The following MS4A12 variants were observed in gnomAD, a reference collection of about 807,000 sequenced individuals.
The protein encoded by MS4A12 is membrane-spanning 4-domains subfamily A member 12.
Under a neutral mutation model 23.7 loss-of-function variants are expected in MS4A12, and 28 were observed. That is an observed-to-expected ratio of 1.18 (90% CI 0.88 to 1.62). The LOEUF is 1.62. MS4A12 is among the 40% of genes most tolerant of loss of function. The pLI, the probability that MS4A12 is intolerant of heterozygous loss-of-function variation, is 0.00. For synonymous variants in MS4A12, 108 were observed against 110.1 expected (o/e 0.98, Z 0.12); for missense variants, 342 against 327.0 (o/e 1.05, Z -0.35).
At chr11:60,500,056 G>A (rs1590861047) in intron 2 of MS4A12, among the ~76,000 whole-genome samples, 1 of 149,450 alleles carries the variant, frequency 6.7e-6, no homozygotes, top group East Asian at 2.0e-4. Flanking sequence ...TGGCTAACCC[G>A]TGAAACCCCG....
chr11:60,495,380 G>A (rs776778043), intron 1 of MS4A12, among the ~76,000 whole-genome samples: 8 of 150,940 alleles, frequency 5.3e-5, no homozygotes, highest in African/African-American at 1.5e-4. Flanking sequence ...ATCTAGTATC[G>A]GAGGGTAAGG....
At chr11:60,497,656 G>A (rs2086499732) in intron 2 of MS4A12, 62 bp downstream of exon 2, 1 of 1,541,804 alleles carries the variant, frequency 6.5e-7, no homozygotes, top group Non-Finnish European at 8.9e-7. Flanking sequence ...ATAAGTTATA[G>A]GAGAGTATCA....
chr11:60,506,733 T>G lies in MS4A12; in HGVS notation c.594T>G (p.Ser198=). The change falls in exon 6 of 7, where the codon TCT becomes TCG. Residue 198 remains serine, a synonymous_variant. Coordinates refer to ENST00000016913, the MANE Select transcript of MS4A12 (RefSeq NM_017716.3). Reference sequence around the variant, plus strand: ...CTATTTATTTATGATTTCAGCTTTCTGGAAAAGGCATTTCAGCCACGCTGA... The same window carrying G: ...CTATTTATTTATGATTTCAGCTTTCGGGAAAAGGCATTTCAGCCACGCTGA... ...VAGQDYWAVL[S]GKGISATLMI... 1 of 1,613,902 alleles carries G rather than the reference T, an allele frequency of 6.2e-7. No homozygotes were observed. Among genetic ancestry groups the G allele is most frequent in the South Asian group, 1.1e-5 (1 of 91,036 alleles).
In MS4A12 at chr11:60,503,703, G is replaced by A; in HGVS notation, c.474G>A (p.Val158=). The part of the protein sequence containing the change: ...SASKELSRCL[V]KGSLGMNIVS... The stretch of plus-strand genomic sequence containing the variant: ...TTTTTTCCTGCCATCTCCATTAGGT[G>A]AAAGGCAGCCTGGGAATGAACATTG... Residue 158 remains valine (V), a splice_region_variant and synonymous_variant, in exon 5 of 7, where the codon GTG becomes GTA. Transcript: ENST00000016913. 6.2e-7 allele frequency: 1 copy of A among 1,611,610 alleles called. No individual in the cohort carries two copies. Among genetic ancestry groups the A allele is most frequent in the Non-Finnish European group, 8.5e-7 (1 of 1,178,768 alleles).
chr11:60,501,111 T>C lies in MS4A12; in HGVS notation c.343T>C (p.Ser115Pro), dbSNP rs1398563254. ...AATTGTTTTGTGTTTAATATCCTTC[T>C]CTTTTAGAGAAGTATTAGGTTTTGC... is the stretch of plus-strand genomic sequence containing the variant. ...FGIVLCLISF[S>P]FREVLGFAST... The change falls in exon 3 of 7, where the codon TCT becomes CCT. Residue 115 changes from serine to proline, a missense_variant. Ser to Pro is a moderately conservative substitution (Grantham distance 74). Transcript: ENST00000016913. 4 of 1,613,728 alleles carry C rather than the reference T, an allele frequency of 2.5e-6. No homozygotes were observed. The highest frequency in any genetic ancestry group is 2.5e-6 in the Non-Finnish European group (3 of 1,179,902).
chr11:60,501,294 T>TCAGATGTAGGGCTTTATC, intron 3 of MS4A12, 112 bp downstream of exon 3: 1 of 1,205,456 alleles, frequency 8.3e-7, no homozygotes, highest in Non-Finnish European at 1.1e-6. Flanking sequence ...GATAAAGCCC[T>TCAGATGTAGGGCTTTATC]ACATCTGAGG....
intron 3 of MS4A12, 143 bp from the exon 4 acceptor site, chr11:60,501,840 T>C: frequency 2.9e-6 from 2 of 700,876 alleles, no homozygotes; most frequent in East Asian, 5.1e-5. Flanking sequence ...GACTGAGAGT[T>C]ACTCCAGAAA....
chr11:60,503,760 T>A lies in MS4A12; in HGVS notation c.531T>A (p.Ile177=). ...VSSILAFIGV[I]LLLVDMCING... ...CTATCTTGGCCTTCATTGGAGTGAT[T>A]CTGCTGCTGGTGGATATGTGCATCA... The change falls in exon 5 of 7, where the codon ATT becomes ATA. Residue 177 remains isoleucine (I), a synonymous_variant. Transcript: ENST00000016913. 1 of 1,613,980 alleles carries A rather than the reference T, an allele frequency of 6.2e-7. No homozygotes were observed. Among genetic ancestry groups the A allele is most frequent in the Non-Finnish European group, 8.5e-7 (1 of 1,179,872 alleles).
Position 60,506,714 on chromosome 11 carries a change from A to G in MS4A12, c.589-14A>G. ...CTGATTAGCCAAAATTTCACTATTT[A>G]TTTATGATTTCAGCTTTCTGGAAAA... On this transcript the variant is annotated splice_polypyrimidine_tract_variant and intron_variant, in intron 5 of 6. Transcript: ENST00000016913. 1.9e-6 allele frequency: 3 copies of G among 1,610,598 alleles called. No individual in the cohort carries two copies. Among genetic ancestry groups the G allele is most frequent in the Non-Finnish European group, 2.5e-6 (3 of 1,176,966 alleles).
intron 3 of MS4A12, 93 bp from the exon 4 acceptor site, chr11:60,501,890 A>G: frequency 1.7e-6 from 2 of 1,156,252 alleles, no homozygotes; most frequent in South Asian, 1.4e-5. Context: ...AGGAAACTAG[A>G]TGAACATAAA....
intron 1 of MS4A12, among the ~76,000 whole-genome samples, chr11:60,495,240 G>A (rs919983550): frequency 7.9e-5 from 12 of 151,528 alleles, no homozygotes; most frequent in African/African-American, 2.9e-4. Flanking sequence ...CTGACCTCGG[G>A]ATCTGCCCGC....
chr11:60,498,935 G>A (rs10792280), intron 2 of MS4A12, among the ~76,000 whole-genome samples: 87,580 of 151,972 alleles, frequency 0.58, 25,429 homozygotes, highest in East Asian at 0.65. Flanking sequence ...TGAGGGAGGG[G>A]GCAGTTGTCA....
chr11:60,501,296 C>T lies in MS4A12; in HGVS notation c.414+114C>T, dbSNP rs750490041. The T allele has an allele frequency of 1.2e-4, 139 of 1,150,936 alleles. 4 individuals are homozygous for T. In the South Asian group the frequency reaches 2.7e-3, roughly 23 times the overall value. 71.3% of individuals were successfully genotyped at this position (1,150,936 alleles called of 1,614,324 possible). ...CAACTCATTTCTTGATAAAGCCCTA[C>T]ATCTGAGGGCTGGAGAATTTAGAAA... On this transcript the variant is annotated intron_variant, in intron 3 of 6. Coordinates refer to ENST00000016913, the MANE Select transcript of MS4A12 (RefSeq NM_017716.3).
intron 2 of MS4A12, among the ~76,000 whole-genome samples, chr11:60,498,697 G>A (rs1290831783): frequency 1.3e-5 from 2 of 152,208 alleles, no homozygotes; most frequent in African/African-American, 4.8e-5. Flanking sequence ...ACAAAACAAA[G>A]AAGTGTAAAA....
rs778124679 is a variant in MS4A12 at position 60,497,341 on chromosome 11, G to A, written c.23G>A (p.Ser8Asn). 1.2e-6 allele frequency: 2 copies of A among 1,613,664 alleles called. No homozygotes were observed. Among genetic ancestry groups the A allele is most frequent in the East Asian group, 2.2e-5 (1 of 44,886 alleles). MMSSKPT[S>N]HAEVNETIPN... ...ATAATGATGTCATCCAAGCCAACAAGCCATGCTGAAGTAAATGAAACCATA... is the reference window on the plus strand; with the variant it reads ...ATAATGATGTCATCCAAGCCAACAAACCATGCTGAAGTAAATGAAACCATA... The change falls in exon 2 of 7, where the codon AGC becomes AAC. Residue 8 changes from serine to asparagine, a missense_variant. Ser to Asn is a conservative substitution (Grantham distance 46). Transcript: ENST00000016913.
In MS4A12 at chr11:60,503,837, C is replaced by T; in HGVS notation, c.588+20C>T. ...GCCGTGGTAAGTATCCCATACTCCA[C>T]CATGTGCCTGCTCTATTTTCAGTCC... On this transcript the variant is annotated intron_variant, in intron 5 of 6. Coordinates refer to ENST00000016913, the MANE Select transcript of MS4A12 (RefSeq NM_017716.3). The T allele has an allele frequency of 6.3e-7, 1 of 1,589,968 alleles. No individual in the cohort carries two copies. Among genetic ancestry groups the T allele is most frequent in the Non-Finnish European group, 8.6e-7 (1 of 1,160,262 alleles).
rs1466420382 is a variant in MS4A12, at chr11:60,507,080, G to T, written c.760G>T (p.Ala254Ser). Reference protein sequence around the residue: ...SNPVTPASSSAPPRCNNYSAN... With the variant: ...SNPVTPASSSSPPRCNNYSAN... ...CCCTGTGACACCAGCGTCTTCTTCA[G>T]CTCCTCCCAGATGCAACAACTACTC... is the stretch of plus-strand genomic sequence containing the variant. The change falls in exon 7 of 7, where the codon GCT becomes TCT. Residue 254 changes from alanine to serine, a missense_variant. Coordinates refer to ENST00000016913, the MANE Select transcript of MS4A12 (RefSeq NM_017716.3). The T allele has an allele frequency of 1.9e-6, 3 of 1,613,850 alleles. No homozygotes were observed. Among genetic ancestry groups the T allele is most frequent in the African/African-American group, 2.7e-5 (2 of 74,922 alleles).
intron 1 of MS4A12, among the ~76,000 whole-genome samples, chr11:60,496,453 T>A (rs1489915206): frequency 6.6e-6 from 1 of 152,200 alleles, no homozygotes; most frequent in Admixed American, 6.5e-5. Flanking sequence ...ACATGGGGCC[T>A]GAGATGCTCT....
intron 4 of MS4A12, among the ~76,000 whole-genome samples, chr11:60,503,139 T>C (rs1447293301): frequency 6.6e-6 from 1 of 152,200 alleles, no homozygotes; most frequent in Non-Finnish European, 1.5e-5. Context: ...AGTTTTGTAG[T>C]CGCCCATACA....
Sources: allele counts gnomAD v4.1 joint callset (sites outside exome capture counted in the v4.1 genomes callset), GRCh38; gene constraint gnomAD v4.1.1; transcripts MANE v1.5; gene names NCBI Gene and HGNC (gene_info 2026-07-23, HGNC 2026-07-21).